Variants in B4GALT1 observed in about 807,000 individuals in gnomAD.
B4GALT1 encodes the protein N-acetyllactosamine synthase.
Under a neutral mutation model 34.9 loss-of-function variants are expected in B4GALT1, and 16 were observed. The observed-to-expected ratio is 0.46, with a 90% confidence interval of 0.31 to 0.70. The LOEUF is 0.70. Ranked by LOEUF, B4GALT1 falls within the 30% of genes least tolerant of loss-of-function variation. B4GALT1 has a pLI of 0.05. For missense variants in B4GALT1, 445 were observed against 530.5 expected (o/e 0.84, Z 1.58); for synonymous variants, 221 against 218.1 (o/e 1.01, Z -0.12).
At chr9:33,105,650 C>G (rs1839790242), downstream of B4GALT1, among the ~76,000 whole-genome samples, 1 of 152,144 alleles carries the variant, frequency 6.6e-6, no homozygotes, top group African/African-American at 2.4e-5. Context: ...ATGCCCCTGA[C>G]AACCACCATT....
chr9:33,149,893 A>T (rs557341067), intron 1 of B4GALT1, among the ~76,000 whole-genome samples: 56 of 152,180 alleles, frequency 3.7e-4, no homozygotes, highest in Non-Finnish European at 7.3e-4. Flanking sequence ...GAATTATTTC[A>T]GATTACAAGA....
chr9:33,141,786 G>C (rs1194621765), intron 1 of B4GALT1, among the ~76,000 whole-genome samples: 1 of 152,092 alleles, frequency 6.6e-6, no homozygotes, highest in East Asian at 1.9e-4. Flanking sequence ...TAGCTGTGTG[G>C]GTGGCGCGCA....
chr9:33,148,851 G>GAAAAC (rs1194387617), intron 1 of B4GALT1, among the ~76,000 whole-genome samples: 2 of 144,624 alleles, frequency 1.4e-5, no homozygotes, highest in African/African-American at 5.1e-5. Context: ...TATGTCAAAA[G>GAAAAC]AAAACAGGAA....
In B4GALT1 at chr9:33,113,604, C is replaced by A; in HGVS notation, c.1065-18G>T. On this transcript the variant is annotated intron_variant, in intron 5 of 5. Coordinates refer to ENST00000379731, the MANE Select transcript of B4GALT1 (RefSeq NM_001497.4). ...GGTCAAACCTACAAGGAAAAGAGCACAAGGAGATTGTCTTAAAACAAAAAT... is the reference window on the plus strand; with the variant it reads ...GGTCAAACCTACAAGGAAAAGAGCAAAAGGAGATTGTCTTAAAACAAAAAT... 6.2e-7 allele frequency: 1 copy of A among 1,614,146 alleles called. No homozygotes were observed. The highest frequency in any genetic ancestry group is 8.5e-7 in the Non-Finnish European group (1 of 1,180,022).
intron 2 of B4GALT1, among the ~76,000 whole-genome samples, chr9:33,125,553 T>G (rs1474304451): frequency 1.3e-5 from 2 of 152,198 alleles, no homozygotes; most frequent in Non-Finnish European, 2.9e-5. Flanking sequence ...AAGCAGACAG[T>G]GCCTCCCCCA....
At chr9:33,116,203 T>A in intron 3 of B4GALT1, 90 bp from the exon 4 acceptor site, 1 of 1,471,462 alleles carries the variant, frequency 6.8e-7, no homozygotes, top group Non-Finnish European at 9.3e-7. Context: ...TAAACACTTT[T>A]AAAGTTATTC....
chr9:33,141,891 A>G (rs921361092), intron 1 of B4GALT1, among the ~76,000 whole-genome samples: 3 of 152,232 alleles, frequency 2.0e-5, no homozygotes, highest in Non-Finnish European at 4.4e-5. Context: ...ATGGAGAGCC[A>G]CCAGAAGGGA....
chr9:33,157,184 T>A (rs1051489345), intron 1 of B4GALT1, among the ~76,000 whole-genome samples: 2 of 148,828 alleles, frequency 1.3e-5, no homozygotes, highest in African/African-American at 5.0e-5. Flanking sequence ...AGTGTGAGGC[T>A]CCAGCTAGAT....
At chr9:33,134,423 T>A (rs1361047510) in intron 2 of B4GALT1, among the ~76,000 whole-genome samples, 2 of 152,210 alleles carry the variant, frequency 1.3e-5, no homozygotes, top group Non-Finnish European at 2.9e-5. Context: ...AACATGAATT[T>A]AAGTGTTAGG....
the B4GALT1 span, among the ~76,000 whole-genome samples, chr9:33,172,667 G>T: frequency 6.6e-6 from 1 of 152,202 alleles, no homozygotes; most frequent in South Asian, 2.1e-4. Flanking sequence ...GGGTGCAGTG[G>T]CTCACGCCTT....
chr9:33,157,909 A>G (rs1204796432), intron 1 of B4GALT1, among the ~76,000 whole-genome samples: 1 of 152,210 alleles, frequency 6.6e-6, no homozygotes, highest in Non-Finnish European at 1.5e-5. Flanking sequence ...AAGTGAGAAC[A>G]CTGAGGCACA....
intron 3 of B4GALT1, among the ~76,000 whole-genome samples, chr9:33,117,256 T>C (rs771242826): frequency 6.6e-6 from 1 of 152,234 alleles, no homozygotes; most frequent in African/African-American, 2.4e-5. Flanking sequence ...GAAAATTTGC[T>C]AAAATAAAAC....
the B4GALT1 span, among the ~76,000 whole-genome samples, chr9:33,185,020 C>A: frequency 4.6e-5 from 7 of 152,232 alleles, no homozygotes; most frequent in South Asian, 1.5e-3. Context: ...ACAAACTTGC[C>A]CCTCTTTAGG....
At chr9:33,137,833 C>T (rs972297454) in intron 1 of B4GALT1, among the ~76,000 whole-genome samples, 5 of 152,168 alleles carry the variant, frequency 3.3e-5, no homozygotes, top group Non-Finnish European at 7.3e-5. Flanking sequence ...CCCTTCCCCA[C>T]AAGGTCAGCC....
At chr9:33,142,217 A>G (rs576477704) in intron 1 of B4GALT1, among the ~76,000 whole-genome samples, 2 of 152,222 alleles carry the variant, frequency 1.3e-5, no homozygotes, top group African/African-American at 4.8e-5. Flanking sequence ...TCTTGACCTC[A>G]TGATCTGCCT....
intron 1 of B4GALT1, among the ~76,000 whole-genome samples, chr9:33,155,360 G>A (rs1840580838): frequency 6.6e-6 from 1 of 152,314 alleles, no homozygotes; most frequent in South Asian, 2.1e-4. Flanking sequence ...ACACAAGACT[G>A]AGCCCGCCTA....
At chr9:33,133,054 C>T (rs1269930983) in intron 2 of B4GALT1, among the ~76,000 whole-genome samples, 1 of 152,100 alleles carries the variant, frequency 6.6e-6, no homozygotes, top group East Asian at 1.9e-4. Context: ...AGCCGCCCAC[C>T]ACTATGTCCA....
chr9:33,137,885 T>TG (rs948448661), intron 1 of B4GALT1, among the ~76,000 whole-genome samples: 10 of 152,172 alleles, frequency 6.6e-5, no homozygotes, highest in South Asian at 4.1e-4. Context: ...CAAAGGCTAC[T>TG]GGGGGGGCCC....
intron 1 of B4GALT1, among the ~76,000 whole-genome samples, chr9:33,161,130 A>T (rs1257732482): frequency 2.0e-5 from 3 of 152,048 alleles, no homozygotes; most frequent in African/African-American, 7.3e-5. Context: ...CCCAGACCAG[A>T]CTTTAAAATC....
Sources: gnomAD v4.1 joint callset for allele counts (sites outside exome capture counted in the v4.1 genomes callset) on GRCh38, gnomAD v4.1.1 for gene constraint, MANE v1.5 for transcripts, NCBI Gene and HGNC (gene_info 2026-07-23, HGNC 2026-07-21) for gene names.